The following BIRC2 variants were observed in gnomAD, a reference collection of about 807,000 sequenced individuals.
BIRC2 encodes the protein baculoviral IAP repeat containing 2, also known as baculoviral IAP repeat-containing protein 2.
BIRC2 carries 18 observed loss-of-function variants against 60.9 expected under a neutral mutation model. That is an observed-to-expected ratio of 0.30 (90% CI 0.20 to 0.44). The LOEUF (loss-of-function observed/expected upper bound fraction) is 0.44. Ranked by LOEUF, BIRC2 falls within the 20% of genes least tolerant of loss-of-function variation. The pLI is 1.00. For synonymous variants in BIRC2, 282 were observed against 247.7 expected (o/e 1.14, Z -1.30); for missense variants, 701 against 728.5 (o/e 0.96, Z 0.43).
At chr11:102,364,182 C>CAGAG (rs1312062676) in intron 5 of BIRC2, among the ~76,000 whole-genome samples, 6 of 86,576 alleles carry the variant, frequency 6.9e-5, no homozygotes, top group African/African-American at 3.7e-4. Context: ...TATACACACA[C>CAGAG]ACACAGAGAG....
intron 3 of BIRC2, among the ~76,000 whole-genome samples, chr11:102,357,565 T>C (rs1279876811): frequency 6.6e-6 from 1 of 152,196 alleles, no homozygotes; most frequent in Non-Finnish European, 1.5e-5. Flanking sequence ...TTCTAGGTTA[T>C]ACAGTTTTTT....
At chr11:102,372,535 T>C (rs1951646294) in intron 6 of BIRC2, among the ~76,000 whole-genome samples, 1 of 151,786 alleles carries the variant, frequency 6.6e-6, no homozygotes, top group South Asian at 2.1e-4. Context: ...TGAGAGATAG[T>C]TTGTTATAAT....
intron 5 of BIRC2, among the ~76,000 whole-genome samples, chr11:102,365,646 G>A (rs1951544496): frequency 6.6e-6 from 1 of 152,102 alleles, no homozygotes; most frequent in East Asian, 1.9e-4. Flanking sequence ...GTGCCATCAT[G>A]GCTCACTGCA....
intron 3 of BIRC2, among the ~76,000 whole-genome samples, chr11:102,353,688 T>C (rs990229607): frequency 1.9e-4 from 24 of 129,548 alleles, no homozygotes; most frequent in Admixed American, 8.9e-4. Context: ...TCTTTTTTTT[T>C]TTTTTTTTTT....
At chr11:102,364,174 T>TATATATATAAAC in intron 5 of BIRC2, among the ~76,000 whole-genome samples, 1 of 78,114 alleles carries the variant, frequency 1.3e-5, no homozygotes, top group Admixed American at 1.5e-4. Flanking sequence ...TATATATATA[T>TATATATATAAAC]ACACACACAC....
At chr11:102,353,920 A>G (rs1309463166) in intron 3 of BIRC2, among the ~76,000 whole-genome samples, 1 of 152,048 alleles carries the variant, frequency 6.6e-6, no homozygotes, top group Non-Finnish European at 1.5e-5. Context: ...GTCCCTTGGT[A>G]TGCTCGGAGG....
chr11:102,350,640 A>G lies in BIRC2; in HGVS notation c.786A>G (p.Ser262=). 1 of 1,614,132 alleles carries G rather than the reference A, an allele frequency of 6.2e-7. No individual in the cohort carries two copies. Among genetic ancestry groups the G allele is most frequent in the South Asian group, 1.1e-5 (1 of 91,086 alleles). ...NSLETLRFSI[S]NLSMQTHAAR... ...TAGAAACTCTGAGGTTTAGCATTTC[A>G]AATCTGAGCATGCAGACACATGCAG... Residue 262 remains serine, a synonymous_variant, in exon 2 of 9, where the codon TCA becomes TCG. Coordinates refer to ENST00000227758, the MANE Select transcript of BIRC2 (RefSeq NM_001166.5).
chr11:102,373,901 G>A (rs954187271), intron 6 of BIRC2, among the ~76,000 whole-genome samples: 30 of 145,236 alleles, frequency 2.1e-4, no homozygotes, highest in African/African-American at 6.7e-4. Flanking sequence ...TTCCCTTCTC[G>A]CTTCATTTCA....
chr11:102,347,952 C>T (rs1951311104), intron 1 of BIRC2: 1 of 152,186 alleles, frequency 6.6e-6, no homozygotes, highest in African/African-American at 2.4e-5. Context: ...AAAAATCTTT[C>T]ATTTAAAGAT....
Position 102,350,565 on chromosome 11 carries a change from G to A in BIRC2, c.711G>A (p.Met237Ile). The A allele has an allele frequency of 6.2e-7, 1 of 1,614,230 alleles. No homozygotes were observed. The highest frequency in any genetic ancestry group is 8.5e-7 in the Non-Finnish European group (1 of 1,180,044). ...ACTGGGAACCAAAGGATGATGCTAT[G>A]TCAGAACACCGGAGGCATTTTCCCA... ...LSNWEPKDDA[M>I]SEHRRHFPNC... Residue 237 changes from methionine to isoleucine, a missense_variant, in exon 2 of 9, where the codon ATG becomes ATA. This residue lies in a region of BIRC2 where 375 missense variants were observed against 365.9 expected (regional missense o/e 1.02). Coordinates refer to ENST00000227758, the MANE Select transcript of BIRC2 (RefSeq NM_001166.5).
At chr11:102,363,082 C>T (rs1171616249) in intron 4 of BIRC2, 108 bp downstream of exon 4, 6 of 775,670 alleles carry the variant, frequency 7.7e-6, no homozygotes, top group African/African-American at 1.7e-5. Context: ...AAAGTCATGG[C>T]CAAAACCGTG....
At chr11:102,373,532 G>T (rs1215291523) in intron 6 of BIRC2, among the ~76,000 whole-genome samples, 1 of 151,982 alleles carries the variant, frequency 6.6e-6, no homozygotes, top group Non-Finnish European at 1.5e-5. Context: ...TCTGCCGAGA[G>T]ATCCGTTGTT....
intron 3 of BIRC2, 150 bp downstream of exon 3, chr11:102,351,093 T>A: frequency 1.3e-6 from 1 of 752,768 alleles, no homozygotes; most frequent in Non-Finnish European, 2.1e-6. Flanking sequence ...ATTTTAACTT[T>A]AATTATTTTG....
chr11:102,351,614 CAAAAAAA>C (rs768269523), intron 3 of BIRC2, among the ~76,000 whole-genome samples: 3 of 68,610 alleles, frequency 4.4e-5, no homozygotes, highest in Admixed American at 2.1e-4. Context: ...GACTCTGTCT[CAAAAAAA>C]AAAAAAAAAA....
At chr11:102,365,203 A>G (rs1163075964) in intron 5 of BIRC2, among the ~76,000 whole-genome samples, 1 of 152,138 alleles carries the variant, frequency 6.6e-6, no homozygotes, top group Non-Finnish European at 1.5e-5. Flanking sequence ...TGTCCTCTGT[A>G]TTCCATCCCC....
At chr11:102,358,504 G>A (rs1021285223) in intron 3 of BIRC2, among the ~76,000 whole-genome samples, 2 of 152,290 alleles carry the variant, frequency 1.3e-5, no homozygotes, top group South Asian at 4.1e-4. Flanking sequence ...TATAGTTGAA[G>A]TCCAATATTT....
intron 6 of BIRC2, among the ~76,000 whole-genome samples, chr11:102,375,594 C>T (rs1039511205): frequency 6.6e-6 from 1 of 152,080 alleles, no homozygotes; most frequent in African/African-American, 2.4e-5. Context: ...TCCTGGCTAA[C>T]ACGATGAAAC....
At chr11:102,358,294 T>C (rs950185980) in intron 3 of BIRC2, among the ~76,000 whole-genome samples, 5 of 152,212 alleles carry the variant, frequency 3.3e-5, no homozygotes, top group Admixed American at 3.3e-4. Flanking sequence ...TTTAAAACTT[T>C]TTGAGTACCA....
intron 6 of BIRC2, among the ~76,000 whole-genome samples, chr11:102,371,594 T>A (rs1951632233): frequency 6.7e-6 from 1 of 148,256 alleles, no homozygotes; most frequent in Admixed American, 6.7e-5. Flanking sequence ...GATTTTTGCA[T>A]CAATGTTCAT....
Sources: gnomAD v4.1 joint callset for allele counts (sites outside exome capture counted in the v4.1 genomes callset) on GRCh38, gnomAD v4.1.1 for gene constraint, gnomAD v4.1.1 regional missense constraint, MANE v1.5 for transcripts, NCBI Gene and HGNC (gene_info 2026-07-23, HGNC 2026-07-21) for gene names.